ZNF724: variants seen among roughly 807,000 people sequenced by gnomAD.
ZNF724 encodes the protein zinc finger protein 724 pseudogene.
ZNF724 carries 14 observed loss-of-function variants against 29.3 expected under a neutral mutation model. The ratio of observed to expected loss-of-function variants is 0.48; its 90% CI spans 0.32 to 0.75. The LOEUF is 0.75. Ranked by LOEUF, ZNF724 falls within the 30% of genes least tolerant of loss-of-function variation. The probability of loss-of-function intolerance (pLI) is 0.04; values close to 1 mark genes in which losing one functional copy is unlikely to be tolerated. For synonymous variants in ZNF724, 180 were observed against 193.6 expected, an observed-to-expected ratio of 0.93 and a Z score of 0.58; for missense variants, 557 against 571.2, an observed-to-expected ratio of 0.98 and a Z score of 0.25.
intron 1 of ZNF724, among the ~76,000 whole-genome samples, chr19:23,232,842 AAGAG>A (rs201012392): frequency 6.6e-6 from 1 of 152,098 alleles, no homozygotes; most frequent in Non-Finnish European, 1.5e-5. Context: ...TATGGCCTAT[AAGAG>A]AGAGATGACA....
chr19:23,238,428 G>A (rs1349235701), intron 1 of ZNF724, among the ~76,000 whole-genome samples: 1 of 152,102 alleles, frequency 6.6e-6, no homozygotes, highest in African/African-American at 2.4e-5. Context: ...CCTAGATAAA[G>A]ACAATCCTGA....
At chr19:23,226,104 T>C (rs1317027892) in intron 3 of ZNF724, among the ~76,000 whole-genome samples, 2 of 141,472 alleles carry the variant, frequency 1.4e-5, no homozygotes, top group East Asian at 4.3e-4. Context: ...CAGGCTGGAG[T>C]GCAGTGGCTG....
Position 23,231,267 on chromosome 19 carries a change from T to TG in ZNF724, c.224dup (p.Gly76ArgfsTer29). 1 of 1,339,132 alleles carries TG rather than the reference T, an allele frequency of 7.5e-7. No individual in the cohort carries two copies. The highest frequency in any genetic ancestry group is 1.8e-5 in the Admixed American group (1 of 55,498). 83.0% of individuals were successfully genotyped at this position (1,339,132 alleles called of 1,614,324 possible). Reference sequence around the variant, plus strand: ...TCTGTCATATTCACTCTCACCTACCTGGGGGTTTGGCCACCATCTCATGTC... The same window carrying TG: ...TCTGTCATATTCACTCTCACCTACCTGGGGGGTTTGGCCACCATCTCATGTC... On this transcript the variant is annotated frameshift_variant and splice_region_variant, in exon 3 of 4. Coordinates refer to ENST00000418100, the MANE Select transcript of ZNF724 (RefSeq NM_001355404.2). LOFTEE classifies it low-confidence loss of function (END_TRUNC).
rs1384705556 is a variant in ZNF724 at position 23,223,352 on chromosome 19, G to A, written c.893C>T (p.Thr298Ile). ...GKAFNQSSTL[T>I]RHKIIHAGEK... ...TCCAGCATGAATTATCTTATGTCTA[G>A]TAAGGGTTGATGATTGGTTAAAAGC... Residue 298 changes from threonine (T) to isoleucine (I), a missense_variant, in exon 4 of 4, where the codon ACT (threonine) becomes ATT (isoleucine). Transcript: ENST00000418100. The A allele has an allele frequency of 1.2e-5, 9 of 769,338 alleles. No homozygotes were observed. Among genetic ancestry groups the A allele is most frequent in the East Asian group, 9.8e-5 (4 of 40,650 alleles). The allele number at this position is 769,338 out of a possible 1,614,324, so 47.7% of individuals were successfully genotyped here. A position where few individuals can be genotyped will look rare whatever the true frequency, so the allele number is the denominator to read the frequency against.
At chr19:23,232,796 C>T (rs1971959289) in intron 1 of ZNF724, among the ~76,000 whole-genome samples, 1 of 118,224 alleles carries the variant, frequency 8.5e-6, no homozygotes, top group Non-Finnish European at 1.7e-5. Context: ...ATCAAACATC[C>T]AACAAGTGAA....
intron 1 of ZNF724, among the ~76,000 whole-genome samples, chr19:23,241,476 C>A (rs965395108): frequency 1.3e-5 from 2 of 152,162 alleles, no homozygotes; most frequent in Non-Finnish European, 2.9e-5. Flanking sequence ...CCTTGATGAA[C>A]ATTGCTGCAA....
At position 23,222,055 on chromosome 19, in the gene ZNF724, C is replaced by T. The variant is rs559368140; in HGVS notation, c.*330G>A. 4.0e-6 allele frequency: 1 copy of T among 250,692 alleles called. No homozygotes were observed. Among genetic ancestry groups the T allele is most frequent in the African/African-American group, 2.2e-5 (1 of 44,590 alleles). 15.5% of individuals were successfully genotyped at this position (250,692 alleles called of 1,614,324 possible). A position where few individuals can be genotyped will look rare whatever the true frequency, so the allele number is the denominator to read the frequency against. ...ATTAATGGCTTCTTCACATTCTTTA[C>T]ATTTGCATAATTTTTCTCAAGTATA... On this transcript the variant is annotated 3_prime_UTR_variant, in exon 4 of 4. Coordinates refer to ENST00000418100, the MANE Select transcript of ZNF724 (RefSeq NM_001355404.2).
At chr19:23,229,542 T>C (rs1971898370) in intron 3 of ZNF724, among the ~76,000 whole-genome samples, 1 of 152,232 alleles carries the variant, frequency 6.6e-6, no homozygotes, top group Admixed American at 6.5e-5. Context: ...CAGACCTGAC[T>C]ACAGAAACCT....
rs1007048064 is a variant in ZNF724, at chr19:23,250,319, C to T, written c.-77G>A. 2 of 560,946 alleles carry T rather than the reference C, an allele frequency of 3.6e-6. No individual in the cohort carries two copies. Among genetic ancestry groups the T allele is most frequent in the Non-Finnish European group, 7.0e-6 (2 of 283,894 alleles). 34.7% of individuals were successfully genotyped at this position (560,946 alleles called of 1,614,324 possible). On this transcript the variant is annotated 5_prime_UTR_variant, in exon 1 of 4. Transcript: ENST00000418100. ...CTTGCAGGTCAGAGGGCCACAGAGG[C>T]TGGGCCTCTAAGAGCAGGGGACACA...
chr19:23,224,395 A>G (rs1007009773), intron 3 of ZNF724, among the ~76,000 whole-genome samples: 1 of 152,182 alleles, frequency 6.6e-6, no homozygotes, highest in Non-Finnish European at 1.5e-5. Flanking sequence ...GCTGGAGAAC[A>G]GAGCAAGACT....
At chr19:23,233,088 G>A (rs928034200) in intron 1 of ZNF724, among the ~76,000 whole-genome samples, 2 of 152,134 alleles carry the variant, frequency 1.3e-5, no homozygotes, top group African/African-American at 4.8e-5. Context: ...CACACAGAAG[G>A]ACACACAGCA....
Position 23,222,833 on chromosome 19 carries a change from A to G in ZNF724, c.1412T>C (p.Ile471Thr), listed in dbSNP as rs1971743760. 7.7e-6 allele frequency: 11 copies of G among 1,420,858 alleles called. No homozygotes were observed. Among genetic ancestry groups the G allele is most frequent in the Non-Finnish European group, 1.1e-5 (11 of 1,011,008 alleles). 88.0% of individuals were successfully genotyped at this position (1,420,858 alleles called of 1,614,324 possible). A position where few individuals can be genotyped will look rare whatever the true frequency, so the allele number is the denominator to read the frequency against. Residue 471 changes from isoleucine to threonine, a missense_variant, in exon 4 of 4, where the codon ATT (isoleucine) becomes ACT (threonine). By Grantham distance (89) the Ile-to-Thr change is moderately conservative. Coordinates refer to ENST00000418100, the MANE Select transcript of ZNF724 (RefSeq NM_001355404.2). ...RSSNLTEHRI[I>T]HTGEKPYKCE... Reference sequence around the variant, plus strand: ...TTTGTAGGGTTTCTCTCCAGTATGAATTATCCTATGTTCAGTAAGGTTTGA... The same window carrying G: ...TTTGTAGGGTTTCTCTCCAGTATGAGTTATCCTATGTTCAGTAAGGTTTGA...
rs1004431337 is a variant in ZNF724 at position 23,222,233 on chromosome 19, CTGTTA to C, written c.*147_*151del. ...AAATATTGAGGTGTTGTCAACTGCA[CTGTTA>C]TATCTTTCAGGTTTGTACGGTTTCT... On this transcript the variant is annotated 3_prime_UTR_variant, in exon 4 of 4. Transcript: ENST00000418100. 125 of 584,698 alleles carry C rather than the reference CTGTTA, an allele frequency of 2.1e-4. No homozygotes were observed. In the South Asian group the frequency reaches 2.5e-3, roughly 12 times the overall value. The allele number at this position is 584,698 out of a possible 1,614,324, so 36.2% of individuals were successfully genotyped here. A position where few individuals can be genotyped will look rare whatever the true frequency, so the allele number is the denominator to read the frequency against.
In ZNF724 at chr19:23,232,045, T is replaced by G. The variant is rs1971943129; in HGVS notation, c.130+122A>C. 1.3e-5 allele frequency: 12 copies of G among 929,082 alleles called. No homozygotes were observed. In the South Asian group the frequency reaches 1.7e-4, roughly 13 times the overall value. The allele number at this position is 929,082 out of a possible 1,614,324, so 57.6% of individuals were successfully genotyped here. A position where few individuals can be genotyped will look rare whatever the true frequency, so the allele number is the denominator to read the frequency against. ...AGCCACCACGCTTGGCCCCCAAGAT[T>G]TTCTTAGAAATAGAGATCTGATACT... On this transcript the variant is annotated intron_variant, in intron 2 of 3. Transcript: ENST00000418100.
At chr19:23,231,220 T>A in intron 3 of ZNF724, 46 bp downstream of exon 3, 1 of 1,210,064 alleles carries the variant, frequency 8.3e-7, no homozygotes, top group Non-Finnish European at 1.2e-6. Context: ...CTCCTTGACA[T>A]TTGGACCTCT....
intron 1 of ZNF724, among the ~76,000 whole-genome samples, chr19:23,249,241 CTTTT>C (rs35301912): frequency 7.5e-6 from 1 of 133,802 alleles, no homozygotes; most frequent in African/African-American, 2.8e-5. Flanking sequence ...CAGAGACTGC[CTTTT>C]TTTTTTTTTT....
chr19:23,247,850 C>T (rs559225196), intron 1 of ZNF724, among the ~76,000 whole-genome samples: 24 of 152,302 alleles, frequency 1.6e-4, no homozygotes, highest in Admixed American at 9.8e-4. Flanking sequence ...AGGAAGAATA[C>T]ACCAGGAGAT....
At chr19:23,234,744 G>A (rs977339444) in intron 1 of ZNF724, among the ~76,000 whole-genome samples, 3 of 152,156 alleles carry the variant, frequency 2.0e-5, no homozygotes, top group Non-Finnish European at 4.4e-5. Flanking sequence ...AAGCCACCAC[G>A]CCCAGCTGCC....
chr19:23,227,560 A>AAAAAAAAC (rs1555724212), intron 3 of ZNF724, among the ~76,000 whole-genome samples: 4 of 111,184 alleles, frequency 3.6e-5, no homozygotes, highest in Middle Eastern at 4.8e-3. Flanking sequence ...CATCTCAAAA[A>AAAAAAAAC]AAAAAAAAAA....
Sources: gnomAD v4.1 joint callset for allele counts (sites outside exome capture counted in the v4.1 genomes callset) on GRCh38, gnomAD v4.1.1 for gene constraint, MANE v1.5 for transcripts, NCBI Gene and HGNC (gene_info 2026-07-23, HGNC 2026-07-21) for gene names.